Variants in APC observed in about 807,000 individuals in gnomAD.
APC encodes APC regulator of Wnt signaling pathway, also known as adenomatous polyposis coli protein.
In APC, 72 loss-of-function variants were observed where a neutral mutation model predicts 247.0. The ratio of observed to expected loss-of-function variants is 0.29; its 90% CI spans 0.24 to 0.35. The LOEUF (loss-of-function observed/expected upper bound fraction) is 0.35. Ranked by LOEUF, APC falls within the 10% of genes least tolerant of loss-of-function variation. APC has a pLI of 1.00. For synonymous variants in APC, 1,254 were observed against 1,162.5 expected (o/e 1.08, Z -1.60); for missense variants, 3,400 against 3,360.7 (o/e 1.01, Z -0.29).
At chr5:112,734,501 GT>G (rs1752264965), upstream of APC, among the ~76,000 whole-genome samples, 1 of 151,820 alleles carries the variant, frequency 6.6e-6, no homozygotes, top group Non-Finnish European at 1.5e-5. Context: ...ACTAGTAACT[GT>G]TTTTTCAATG....
In APC at chr5:112,838,717, A is replaced by G. The variant is rs537501804; in HGVS notation, c.3123A>G (p.Gln1041=). The change falls in exon 16 of 16, where the codon CAA becomes CAG. Residue 1041 remains glutamine (Q), a synonymous_variant. Coordinates refer to ENST00000257430, the MANE Select transcript of APC (RefSeq NM_000038.6). The stretch of plus-strand genomic sequence containing the variant: ...ATGAGCAGTTGAACTCTGGAAGGCA[A>G]AGTCCTTCACAGAATGAAAGATGGG... ...YSDEQLNSGR[Q]SPSQNERWAR... 5 of 1,614,182 alleles carry G rather than the reference A, an allele frequency of 3.1e-6. No homozygotes were observed. The highest frequency in any genetic ancestry group is 2.2e-5 in the East Asian group (1 of 44,878).
chr5:112,838,378 C>T lies in APC; in HGVS notation c.2784C>T (p.Ala928=), dbSNP rs2149877311. 6.2e-7 allele frequency: 1 copy of T among 1,614,080 alleles called. No homozygotes were observed. Among genetic ancestry groups the T allele is most frequent in the Non-Finnish European group, 8.5e-7 (1 of 1,180,018 alleles). ...ATGCACTTAGAAGAAGCTCTGCTGC[C>T]CATACACATTCAAACACTTACAATT... ...ERNALRRSSA[A]HTHSNTYNFT... Residue 928 remains alanine (A), a synonymous_variant, in exon 16 of 16, where the codon GCC becomes GCT. Transcript: ENST00000257430.
chr5:112,765,397 A>G (rs1297993429), intron 2 of APC, among the ~76,000 whole-genome samples: 1 of 152,172 alleles, frequency 6.6e-6, no homozygotes, highest in Non-Finnish European at 1.5e-5. Context: ...TACAGGCATG[A>G]GCCACCATGA....
intron 9 of APC, among the ~76,000 whole-genome samples, chr5:112,818,421 T>C (rs893374655): frequency 6.7e-6 from 1 of 149,808 alleles, no homozygotes; most frequent in Non-Finnish European, 1.5e-5. Flanking sequence ...TATGACAAAA[T>C]GTTTTTAAAT....
At chr5:112,834,447 A>C (rs899665908) in intron 14 of APC, among the ~76,000 whole-genome samples, 1 of 147,948 alleles carries the variant, frequency 6.8e-6, no homozygotes, top group Non-Finnish European at 1.5e-5. Flanking sequence ...GTTTTACCAC[A>C]TTGGCGAGGC....
In APC at chr5:112,801,305, C is replaced by T. The variant is rs771535363; in HGVS notation, c.756C>T (p.Thr252=). 1.4e-5 allele frequency: 23 copies of T among 1,612,676 alleles called. No individual in the cohort carries two copies. The highest frequency in any genetic ancestry group is 3.3e-5 in the Admixed American group (2 of 59,916). ...AERSSQNKHE[T]GSHDAERQNE... The stretch of plus-strand genomic sequence containing the variant: ...GGTCATCTCAGAACAAGCATGAAAC[C>T]GGCTCACATGATGCTGAGCGGCAGA... The change falls in exon 8 of 16, where the codon ACC becomes ACT. Residue 252 remains threonine (T), a synonymous_variant. Coordinates refer to ENST00000257430, the MANE Select transcript of APC (RefSeq NM_000038.6).
intron 11 of APC, among the ~76,000 whole-genome samples, chr5:112,822,777 C>T (rs1763270518): frequency 6.6e-6 from 1 of 152,142 alleles, no homozygotes; most frequent in African/African-American, 2.4e-5. Flanking sequence ...GCTTTTTGTG[C>T]CGTTTATGTT....
In APC at chr5:112,842,598, G is replaced by C; in HGVS notation, c.7004G>C (p.Gly2335Ala). Residue 2335 changes from glycine (G) to alanine (A), a missense_variant, in exon 16 of 16, where the codon GGA becomes GCA. Transcript: ENST00000257430. ...AACTCAATTTCCCCTGGTAGAAATG[G>C]AATAAGTCCTCCTAACAAATTATCT... ...GRNSISPGRN[G>A]ISPPNKLSQL... The C allele has an allele frequency of 6.2e-7, 1 of 1,613,796 alleles. No individual in the cohort carries two copies. Among genetic ancestry groups the C allele is most frequent in the Non-Finnish European group, 8.5e-7 (1 of 1,179,744 alleles).
At position 112,845,876 on chromosome 5, in the gene APC, G is replaced by A. The variant is rs1043830186; in HGVS notation, c.*1750G>A. On this transcript the variant is annotated 3_prime_UTR_variant, in exon 16 of 16. Coordinates refer to ENST00000257430, the MANE Select transcript of APC (RefSeq NM_000038.6). The stretch of plus-strand genomic sequence containing the variant: ...AAGATTCATACACTCTGTATTTGGG[G>A]AGGGAAAACCTTTTTAAGCATGGTG... 7 of 232,282 alleles carry A rather than the reference G, an allele frequency of 3.0e-5. No individual in the cohort carries two copies. Among genetic ancestry groups the A allele is most frequent in the Non-Finnish European group, 5.1e-5 (6 of 117,588 alleles). The allele number at this position is 232,282 out of a possible 1,614,324, so 14.4% of individuals were successfully genotyped here.
At chr5:112,708,676 A>C (rs1422613906) in intron 1 of APC, among the ~76,000 whole-genome samples, 1 of 152,248 alleles carries the variant, frequency 6.6e-6, no homozygotes, top group Non-Finnish European at 1.5e-5. Context: ...GACGTCTTAG[A>C]ATTCCATGTT....
chr5:112,735,226 A>G (rs80352142), upstream of APC, among the ~76,000 whole-genome samples: 2 of 152,088 alleles, frequency 1.3e-5, no homozygotes, highest in Non-Finnish European at 2.9e-5. Context: ...CACAGGCTGG[A>G]GTACAATGGC....
chr5:112,836,852 T>C (rs1764997624), intron 15 of APC, among the ~76,000 whole-genome samples: 1 of 151,642 alleles, frequency 6.6e-6, no homozygotes, highest in Non-Finnish European at 1.5e-5. Context: ...AGGCATGCAC[T>C]ACCATGCCCG....
At chr5:112,799,415 A>ACCTCTTCCTCGGGT (rs1328862473) in intron 7 of APC, among the ~76,000 whole-genome samples, 5 of 151,758 alleles carry the variant, frequency 3.3e-5, no homozygotes, top group Non-Finnish European at 7.4e-5. Context: ...CACTCCCCAT[A>ACCTCTTCCTCGGGT]TCCTGTCAGC....
At chr5:112,749,614 A>C (rs571882174) in intron 1 of APC, among the ~76,000 whole-genome samples, 1 of 150,526 alleles carries the variant, frequency 6.6e-6, no homozygotes, top group African/African-American at 2.5e-5. Flanking sequence ...CAGCCTCCGG[A>C]GGCGCTGGGA....
At chr5:112,708,780 GT>G (rs1462568134) in intron 1 of APC, among the ~76,000 whole-genome samples, 2 of 152,148 alleles carry the variant, frequency 1.3e-5, no homozygotes, top group Non-Finnish European at 2.9e-5. Context: ...CTCGATTGTT[GT>G]TACTGTTCAA....
chr5:112,738,047 C>T (rs1752529987), intron 1 of APC, 122 bp downstream of exon 1: 2 of 644,568 alleles, frequency 3.1e-6, no homozygotes, highest in South Asian at 6.9e-5. Context: ...GCATGCCAAA[C>T]GAGGAGGCAG....
chr5:112,707,522 C>G, exon 1 of APC: 1 of 476,808 alleles, frequency 2.1e-6, no homozygotes, highest in Non-Finnish European at 3.8e-6. Context: ...CCACCTCCCA[C>G]AAGATGGCGG....
At chr5:112,710,551 C>G (rs1750791473) in intron 1 of APC, among the ~76,000 whole-genome samples, 1 of 152,182 alleles carries the variant, frequency 6.6e-6, no homozygotes, top group Non-Finnish European at 1.5e-5. Flanking sequence ...CTCTCCCTCT[C>G]TAGCCTACAT....
chr5:112,734,066 G>T (rs1014857973), upstream of APC, among the ~76,000 whole-genome samples: 3 of 152,138 alleles, frequency 2.0e-5, no homozygotes, highest in Admixed American at 2.0e-4. Flanking sequence ...GGCTGCTCAC[G>T]TCTGTAATCA....
Sources: allele counts gnomAD v4.1 joint callset (sites outside exome capture counted in the v4.1 genomes callset), GRCh38; gene constraint gnomAD v4.1.1; transcripts MANE v1.5; gene names NCBI Gene and HGNC (gene_info 2026-07-23, HGNC 2026-07-21).